Variants in KCNIP1 observed in about 807,000 individuals in gnomAD.
The protein encoded by KCNIP1 is A-type potassium channel modulatory protein KCNIP1.
In KCNIP1, 18 loss-of-function variants were observed where a neutral mutation model predicts 33.0. The ratio of observed to expected loss-of-function variants is 0.55; its 90% CI spans 0.38 to 0.81. The LOEUF is 0.81. Among genes scored for constraint, KCNIP1 ranks in the 30% least tolerant of loss-of-function variants. The pLI is 0.00. For synonymous variants in KCNIP1, 93 were observed against 98.3 expected (o/e 0.95, Z 0.32); for missense variants, 238 against 271.6 (o/e 0.88, Z 0.87).
chr5:170,670,137 G>A (rs747099361), intron 1 of KCNIP1, among the ~76,000 whole-genome samples: 9 of 152,150 alleles, frequency 5.9e-5, no homozygotes, highest in South Asian at 2.1e-4. Context: ...GTGGACCAGC[G>A]CAGAACACAT....
At chr5:170,702,097 T>C (rs1005542860) in intron 1 of KCNIP1, among the ~76,000 whole-genome samples, 8 of 152,206 alleles carry the variant, frequency 5.3e-5, no homozygotes, top group African/African-American at 1.9e-4. Flanking sequence ...CCATGACCCA[T>C]GTCTCTCCAG....
At chr5:170,724,316 G>A (rs1279391758) in intron 5 of KCNIP1, among the ~76,000 whole-genome samples, 1 of 152,068 alleles carries the variant, frequency 6.6e-6, no homozygotes, top group African/African-American at 2.4e-5. Flanking sequence ...AAGAAAAAAA[G>A]GTCTTATGAA....
chr5:170,551,361 G>A (rs1322974119), intron 1 of KCNIP1, among the ~76,000 whole-genome samples: 2 of 152,120 alleles, frequency 1.3e-5, no homozygotes, highest in East Asian at 3.9e-4. Flanking sequence ...TCTGACCTAC[G>A]GTTCATTGCC....
At chr5:170,408,383 G>C (rs1231469304) in intron 1 of KCNIP1, among the ~76,000 whole-genome samples, 1 of 152,132 alleles carries the variant, frequency 6.6e-6, no homozygotes, top group Non-Finnish European at 1.5e-5. Flanking sequence ...GGCTCAGCCA[G>C]ATCCTGGTCT....
At chr5:170,566,132 G>A (rs569410945) in intron 1 of KCNIP1, among the ~76,000 whole-genome samples, 145 of 151,616 alleles carry the variant, frequency 9.6e-4, no homozygotes, top group African/African-American at 3.5e-3. Context: ...GGGTTCAAGC[G>A]ATTCTCCCGC....
chr5:170,389,844 T>A (rs1764644661), intron 1 of KCNIP1, among the ~76,000 whole-genome samples: 1 of 152,242 alleles, frequency 6.6e-6, no homozygotes, highest in African/African-American at 2.4e-5. Flanking sequence ...GTTTCCTTTT[T>A]TGTTTTTGGT....
chr5:170,712,286 T>A (rs944261998), intron 1 of KCNIP1, among the ~76,000 whole-genome samples: 25 of 152,174 alleles, frequency 1.6e-4, no homozygotes, highest in Non-Finnish European at 2.9e-5. Flanking sequence ...TAATCAAGCT[T>A]AATGGGGGAA....
intron 1 of KCNIP1, among the ~76,000 whole-genome samples, chr5:170,365,787 G>T (rs1160830606): frequency 2.0e-5 from 3 of 152,238 alleles, no homozygotes; most frequent in East Asian, 3.8e-4. Flanking sequence ...ACTCCTTCGA[G>T]CCTAGCCTCC....
At chr5:170,397,249 A>G (rs1361068672) in intron 1 of KCNIP1, among the ~76,000 whole-genome samples, 1 of 152,206 alleles carries the variant, frequency 6.6e-6, no homozygotes, top group Non-Finnish European at 1.5e-5. Flanking sequence ...GCGGCTTAGC[A>G]TTCTATTTTT....
At chr5:170,717,202 T>C (rs1333012833) in intron 1 of KCNIP1, among the ~76,000 whole-genome samples, 1 of 152,236 alleles carries the variant, frequency 6.6e-6, no homozygotes, top group Admixed American at 6.5e-5. Flanking sequence ...ATGTAAAATA[T>C]TAATATGTAT....
Position 170,724,477 on chromosome 5 carries a change from C to CA in KCNIP1, c.435+1662dup, listed in dbSNP as rs201802622. ...AGGAAGGCAAGGTTGGTTTAACATTCAAAAACCAATCAATATAATTCACTA... is the reference window on the plus strand; with the variant it reads ...AGGAAGGCAAGGTTGGTTTAACATTCAAAAAACCAATCAATATAATTCACTA... On this transcript the variant is annotated intron_variant, in intron 5 of 7. Coordinates refer to ENST00000328939, the MANE Select transcript of KCNIP1 (RefSeq NM_014592.4). Among the ~76,000 whole-genome samples, 1,457 of 152,212 alleles carry CA rather than the reference C, an allele frequency of 9.6e-3. 35 individuals are homozygous for CA. The highest frequency in any genetic ancestry group is 0.033 in the African/African-American group (1,350 of 41,524).
intron 1 of KCNIP1, among the ~76,000 whole-genome samples, chr5:170,521,152 G>T (rs1755350143): frequency 6.6e-6 from 1 of 152,168 alleles, no homozygotes; most frequent in Non-Finnish European, 1.5e-5. Flanking sequence ...GCATGACACT[G>T]CCTGGCATGT....
intron 1 of KCNIP1, among the ~76,000 whole-genome samples, chr5:170,589,793 G>C (rs62394314): frequency 0.16 from 5,948 of 36,290 alleles, 346 homozygotes; most frequent in African/African-American, 0.26. Context: ...ATGTGATGTG[G>C]TGTGCGGTGC....
chr5:170,584,709 G>A (rs1200006532), intron 1 of KCNIP1, among the ~76,000 whole-genome samples: 1 of 152,110 alleles, frequency 6.6e-6, no homozygotes, highest in African/African-American at 2.4e-5. Context: ...CTGGCAGAGG[G>A]GACTCTTTTC....
chr5:170,725,874 T>G (rs951618866), intron 5 of KCNIP1, among the ~76,000 whole-genome samples: 1 of 152,128 alleles, frequency 6.6e-6, no homozygotes, highest in Non-Finnish European at 1.5e-5. Flanking sequence ...ATGCAACAGA[T>G]GCCAAAAAGA....
chr5:170,420,544 A>T (rs1031358793), intron 1 of KCNIP1: 13 of 152,068 alleles, frequency 8.5e-5, no homozygotes, highest in African/African-American at 1.4e-4. Flanking sequence ...AAAAAAAAAA[A>T]AAATAAAAAG....
In KCNIP1 at chr5:170,504,284, G is replaced by C. The variant is rs1425355764; in HGVS notation, c.-289G>C. Reference sequence around the variant, plus strand: ...AGTGCCAGGCAGGCTTCAGGGCACCGTCCTCGGCCCTGGGCGAGGGAACCG... The same window carrying C: ...AGTGCCAGGCAGGCTTCAGGGCACCCTCCTCGGCCCTGGGCGAGGGAACCG... On this transcript the variant is annotated 5_prime_UTR_variant, in exon 1 of 8. Coordinates refer to ENST00000328939, the MANE Select transcript of KCNIP1 (RefSeq NM_014592.4). This position sits in a 1 kb window ranked among gnomAD's most constrained non-coding sequence, Gnocchi z 6.0. The C allele has an allele frequency of 3.1e-5, 40 of 1,283,098 alleles. No individual in the cohort carries two copies. The highest frequency in any genetic ancestry group is 3.8e-5 in the Non-Finnish European group (39 of 1,015,820). The allele number at this position is 1,283,098 out of a possible 1,614,324, so 79.5% of individuals were successfully genotyped here.
At chr5:170,689,679 A>C (rs1315057811) in intron 1 of KCNIP1, among the ~76,000 whole-genome samples, 1 of 152,230 alleles carries the variant, frequency 6.6e-6, no homozygotes, top group African/African-American at 2.4e-5. Flanking sequence ...CATTTCAAAC[A>C]GAAAGAACAG....
intron 1 of KCNIP1, among the ~76,000 whole-genome samples, chr5:170,589,587 C>T (rs1451037352): frequency 1.3e-5 from 2 of 152,060 alleles, no homozygotes; most frequent in East Asian, 3.9e-4. Context: ...ATGGAGAGTG[C>T]GGAAGGTTGG....
Sources: allele counts gnomAD v4.1 joint callset (sites outside exome capture counted in the v4.1 genomes callset), GRCh38; gene constraint gnomAD v4.1.1; non-coding constraint Gnocchi (gnomAD v3.1); transcripts MANE v1.5; gene names NCBI Gene and HGNC (gene_info 2026-07-23, HGNC 2026-07-21).